Variants in NLRC3 observed in about 807,000 individuals in gnomAD.
NLRC3 encodes the protein NLR family CARD domain-containing protein 3.
NLRC3 carries 87 observed loss-of-function variants against 91.6 expected under a neutral mutation model. That is an observed-to-expected ratio of 0.95 (90% CI 0.80 to 1.14). The LOEUF is 1.14. Ranked by LOEUF, NLRC3 falls within the 50% of genes most tolerant of loss-of-function variation. The pLI is 0.00. For missense variants in NLRC3, 1,577 were observed against 1,418.6 expected, an observed-to-expected ratio of 1.11 and a Z score of -1.79; for synonymous variants, 694 against 625.3, an observed-to-expected ratio of 1.11 and a Z score of -1.64.
intron 5 of NLRC3, among the ~76,000 whole-genome samples, chr16:3,562,293 G>T (rs996004531): frequency 3.9e-5 from 6 of 152,188 alleles, no homozygotes; most frequent in Non-Finnish European, 8.8e-5. Flanking sequence ...TTAAGGTGGG[G>T]CCATGCTGAA....
rs138829487 is a variant in NLRC3 at position 3,563,509 on chromosome 16, G to A, written c.1428C>T (p.Phe476=). The change falls in exon 5 of 20, where the codon TTC becomes TTT. Residue 476 remains phenylalanine, a synonymous_variant. Coordinates refer to ENST00000359128, the MANE Select transcript of NLRC3 (RefSeq NM_178844.4). ...ATACGCCGCTCTCAGTGAAGAGGTC[G>A]AAGATGGCCCTCCTGGATGCGCCAT... is the stretch of plus-strand genomic sequence containing the variant. ...YYYGASRRAI[F]DLFTESGVSW... is the part of the protein sequence containing the mutation. 9.1e-4 allele frequency: 1,461 copies of A among 1,601,750 alleles called. 26 individuals are homozygous for A. The East Asian group carries it at 0.027, about 29-fold the overall frequency.
At chr16:3,546,981 A>C (rs1240549471) in intron 15 of NLRC3, among the ~76,000 whole-genome samples, 2 of 152,134 alleles carry the variant, frequency 1.3e-5, no homozygotes, top group African/African-American at 4.8e-5. Context: ...GTCAGGGAGA[A>C]AGGCCGATGA....
intron 1 of NLRC3, among the ~76,000 whole-genome samples, chr16:3,573,994 G>A (rs1363050410): frequency 1.4e-5 from 1 of 70,606 alleles, no homozygotes; most frequent in Non-Finnish European, 2.8e-5. Flanking sequence ...TTGGCCCATT[G>A]TAACCATTTT....
In NLRC3 at chr16:3,563,982, C is replaced by T; in HGVS notation, c.955G>A (p.Asp319Asn). 1.2e-5 allele frequency: 20 copies of T among 1,605,434 alleles called. No homozygotes were observed. The highest frequency in any genetic ancestry group is 1.7e-5 in the Non-Finnish European group (20 of 1,178,574). Residue 319 changes from aspartate (D) to asparagine (N), a missense_variant, in exon 5 of 20, where the codon GAC becomes AAC. Physicochemically the swap from Asp to Asn is conservative, Grantham distance 23. Coordinates refer to ENST00000359128, the MANE Select transcript of NLRC3 (RefSeq NM_178844.4). ...LGWMLSQVQADRALYLMCTVP... is the reference protein window; with the variant it reads ...LGWMLSQVQANRALYLMCTVP... ...GTGCACATCAGGTACAGGGCCCTGT[C>T]AGCCTGCACTTGGCTCAGCATCCAG... is the stretch of plus-strand genomic sequence containing the variant.
At position 3,549,709 on chromosome 16, in the gene NLRC3, A is replaced by T. The variant is rs1470419560; in HGVS notation, c.2507T>A (p.Leu836His). ...GGCCAGGACTTACCTGAGGCTGAGG[A>T]GGGTCTGGTTGGTGCAGAGGGCCCC... ...LMGALCTNQTLLSLSLRENSI... is the reference protein window; with the variant it reads ...LMGALCTNQTHLSLSLRENSI... The change falls in exon 12 of 20, where the codon CTC becomes CAC. Residue 836 changes from leucine to histidine, a missense_variant. Transcript: ENST00000359128. 6.4e-7 allele frequency: 1 copy of T among 1,550,768 alleles called. No homozygotes were observed. The highest frequency in any genetic ancestry group is 8.7e-7 in the Non-Finnish European group (1 of 1,146,346).
In NLRC3 at chr16:3,541,843, C is replaced by T. The variant is rs539371948; in HGVS notation, c.3180G>A (p.Thr1060=). ...ACCAGGATCACATTTCAACAGTGCA[C>T]GTGGGAGCATTTGTCTTGATGGCCT... ...ISEAIKTNAP[T]CTVEM Residue 1060 remains threonine, a synonymous_variant, in exon 20 of 20, where the codon ACG becomes ACA. Coordinates refer to ENST00000359128, the MANE Select transcript of NLRC3 (RefSeq NM_178844.4). The T allele has an allele frequency of 8.1e-6, 13 of 1,610,524 alleles. No individual in the cohort carries two copies. The highest frequency in any genetic ancestry group is 6.6e-5 in the South Asian group (6 of 90,676).
intron 5 of NLRC3, among the ~76,000 whole-genome samples, chr16:3,562,075 G>A (rs1319883335): frequency 6.6e-6 from 1 of 152,234 alleles, no homozygotes; most frequent in Non-Finnish European, 1.5e-5. Flanking sequence ...CTCAGCCTGT[G>A]TCCTTTCCTC....
In NLRC3 at chr16:3,577,287, CAGGACCA is replaced by C; in HGVS notation, c.-314_-308del. On this transcript the variant is annotated 5_prime_UTR_variant, in exon 1 of 20. Coordinates refer to ENST00000359128, the MANE Select transcript of NLRC3 (RefSeq NM_178844.4). ...GAATCCCTGTGCCAGCCTGAGTTCT[CAGGACCA>C]GGGATCAGGGCACTTACCACGCCAA... The C allele has an allele frequency of 1.5e-6, 1 of 688,096 alleles. No individual in the cohort carries two copies. The highest frequency in any genetic ancestry group is 2.7e-6 in the Non-Finnish European group (1 of 376,918). 42.6% of individuals were successfully genotyped at this position (688,096 alleles called of 1,614,324 possible). A position where few individuals can be genotyped will look rare whatever the true frequency, so the allele number is the denominator to read the frequency against.
intron 7 of NLRC3, among the ~76,000 whole-genome samples, chr16:3,557,297 A>T (rs1384159711): frequency 1.3e-5 from 2 of 152,220 alleles, no homozygotes; most frequent in African/African-American, 4.8e-5. Context: ...CCCTGGCTGT[A>T]GCCCGGCAAC....
Position 3,548,764 on chromosome 16 carries a change from G to C in NLRC3, c.2604-11C>G, listed in dbSNP as rs765542834. The C allele has an allele frequency of 3.2e-5, 51 of 1,589,428 alleles. No homozygotes were observed. Among genetic ancestry groups the C allele is most frequent in the Non-Finnish European group, 4.3e-5 (50 of 1,166,372 alleles). ...AGGTTGGCTGTCAGGCTAGGAGGAAGGGAACAGGAGCAAGTGAGCCGGGGG... is the reference window on the plus strand; with the variant it reads ...AGGTTGGCTGTCAGGCTAGGAGGAACGGAACAGGAGCAAGTGAGCCGGGGG... On this transcript the variant is annotated splice_polypyrimidine_tract_variant and intron_variant, in intron 13 of 19. Transcript: ENST00000359128.
At chr16:3,544,179 A>T in intron 16 of NLRC3, 67 bp downstream of exon 16, 6 of 886,014 alleles carry the variant, frequency 6.8e-6, no homozygotes, top group South Asian at 1.5e-5. Context: ...AAAAAAAAAA[A>T]GACCTCTAAC....
chr16:3,557,454 G>A, intron 7 of NLRC3, 139 bp downstream of exon 7: 2 of 616,420 alleles, frequency 3.2e-6, no homozygotes, highest in Admixed American at 5.7e-5. Context: ...ATGCTACCCA[G>A]GGGCTGAATC....
chr16:3,543,391 G>T (rs374223227), intron 17 of NLRC3, 34 bp downstream of exon 17: 16 of 1,445,606 alleles, frequency 1.1e-5, no homozygotes, highest in Admixed American at 1.8e-5. Flanking sequence ...ATTTCTTTGG[G>T]CTAAAGACCA....
rs577315565 is a variant in NLRC3, at chr16:3,557,362, C to T, written c.2099+231G>A. On this transcript the variant is annotated intron_variant, in intron 7 of 19. Coordinates refer to ENST00000359128, the MANE Select transcript of NLRC3 (RefSeq NM_178844.4). ...TTCTGCCCCACCAGGAAGGCATGTG[C>T]GCTAAGGTGTGGCCTCCCTGTGTCT... Among the ~76,000 whole-genome samples the T allele has an allele frequency of 5.3e-5, 8 of 152,284 alleles. No homozygotes were observed. In the South Asian group the frequency reaches 6.2e-4, roughly 12 times the overall value.
chr16:3,570,866 G>C (rs1219938097), intron 1 of NLRC3, among the ~76,000 whole-genome samples: 1 of 152,144 alleles, frequency 6.6e-6, no homozygotes, highest in African/African-American at 2.4e-5. Context: ...GGAGTGACAT[G>C]AGCAATGGAT....
At position 3,565,167 on chromosome 16, in the gene NLRC3, T is replaced by A. The variant is rs957039486; in HGVS notation, c.-24-107A>T. 8.2e-6 allele frequency: 7 copies of A among 849,008 alleles called. 1 individual carries two copies. The African/African-American group carries it at 1.2e-4, about 14-fold the overall frequency. The allele number at this position is 849,008 out of a possible 1,614,324, so 52.6% of individuals were successfully genotyped here. On this transcript the variant is annotated intron_variant, in intron 3 of 19. Transcript: ENST00000359128. ...GGGGTCAGGGATCCCCTCTTCCTCTTTCCTCAGCCTTTGGGTGGCCCACTG... is the reference window on the plus strand; with the variant it reads ...GGGGTCAGGGATCCCCTCTTCCTCTATCCTCAGCCTTTGGGTGGCCCACTG...
intron 1 of NLRC3, among the ~76,000 whole-genome samples, chr16:3,572,645 G>T (rs116985448): frequency 6.6e-6 from 1 of 152,068 alleles, no homozygotes. Context: ...AACAATTCTG[G>T]ATTATAATAA....
At chr16:3,547,195 T>C (rs1204052413) in intron 15 of NLRC3, among the ~76,000 whole-genome samples, 1 of 152,130 alleles carries the variant, frequency 6.6e-6, no homozygotes, top group Non-Finnish European at 1.5e-5. Context: ...ACCCATACAA[T>C]GGATATCATT....
At position 3,541,886 on chromosome 16, in the gene NLRC3, C is replaced by T. The variant is rs1318172780; in HGVS notation, c.3137G>A (p.Gly1046Glu). The T allele has an allele frequency of 5.0e-6, 8 of 1,611,706 alleles. No individual in the cohort carries two copies. Among genetic ancestry groups the T allele is most frequent in the South Asian group, 4.4e-5 (4 of 90,574 alleles). Residue 1046 changes from glycine (G) to glutamate (E), a missense_variant, in exon 20 of 20, where the codon GGG becomes GAG. Coordinates refer to ENST00000359128, the MANE Select transcript of NLRC3 (RefSeq NM_178844.4). The part of the protein sequence containing the change: ...NLQGNHIGDS[G>E]ARMISEAIKT... ...GATGGCCTCTGAGATCATCCTGGCC[C>T]CGGAGTCCCCAATGTGGTTTCCCTG...
Sources: gnomAD v4.1 joint callset for allele counts (sites outside exome capture counted in the v4.1 genomes callset) on GRCh38, gnomAD v4.1.1 for gene constraint, MANE v1.5 for transcripts, NCBI Gene and HGNC (gene_info 2026-07-23, HGNC 2026-07-21) for gene names.